NAA50: variants seen among roughly 807,000 people sequenced by gnomAD.
NAA50 encodes N-alpha-acetyltransferase 50.
In NAA50, 7 loss-of-function variants were observed where a neutral mutation model predicts 20.7. The observed-to-expected ratio is 0.34, with a 90% CI of 0.19 to 0.63. The LOEUF (loss-of-function observed/expected upper bound fraction) is 0.63, where lower values mean the gene tolerates loss of function less well. NAA50 is among the 30% of genes least tolerant of loss of function. The pLI is 0.75. For synonymous variants in NAA50, 54 were observed against 70.6 expected (o/e 0.77, Z 1.18); for missense variants, 111 against 199.1 (o/e 0.56, Z 2.66).
intron 1 of NAA50, among the ~76,000 whole-genome samples, chr3:113,725,860 ACAAAGT>A (rs1708192564): frequency 6.6e-6 from 1 of 152,358 alleles, no homozygotes; most frequent in East Asian, 1.9e-4. Flanking sequence ...ATCTTATAGT[ACAAAGT>A]TCTCTAAGAT....
At chr3:113,730,113 A>G (rs1643181403) in intron 1 of NAA50, among the ~76,000 whole-genome samples, 1 of 152,078 alleles carries the variant, frequency 6.6e-6, no homozygotes, top group African/African-American at 2.4e-5. Context: ...TGGCCTGGCC[A>G]ACATGGTGAA....
intron 1 of NAA50, among the ~76,000 whole-genome samples, chr3:113,730,046 T>C (rs1424033458): frequency 6.6e-6 from 1 of 152,066 alleles, no homozygotes; most frequent in Non-Finnish European, 1.5e-5. Flanking sequence ...ACACCTGCAA[T>C]CCCAGCACTT....
chr3:113,746,182 C>T lies in NAA50; in HGVS notation c.-233G>A, dbSNP rs1708498917. The T allele has an allele frequency of 1.9e-6, 1 of 533,852 alleles. No individual in the cohort carries two copies. The highest frequency in any genetic ancestry group is 3.5e-5 in the East Asian group (1 of 28,568). 33.1% of individuals were successfully genotyped at this position (533,852 alleles called of 1,614,324 possible). ...TTGTGCCGCCGCTTCTCCACACGTGCACTCGGGTCTCTCGGCTCCCTCCCG... is the reference window on the plus strand; with the variant it reads ...TTGTGCCGCCGCTTCTCCACACGTGTACTCGGGTCTCTCGGCTCCCTCCCG... On this transcript the variant is annotated 5_prime_UTR_variant, in exon 1 of 5. Coordinates refer to ENST00000240922, the MANE Select transcript of NAA50 (RefSeq NM_025146.4).
intron 3 of NAA50, 121 bp from the exon 4 acceptor site, chr3:113,723,093 G>GA: frequency 7.8e-7 from 1 of 1,282,588 alleles, no homozygotes; most frequent in East Asian, 2.7e-5. Context: ...GTATACACTA[G>GA]ATATCCTTAT....
chr3:113,741,454 G>T (rs1708414103), intron 1 of NAA50, among the ~76,000 whole-genome samples: 1 of 151,988 alleles, frequency 6.6e-6, no homozygotes. Context: ...TATTCTATTG[G>T]TTACTGCAGG....
rs959047721 is a variant in NAA50 at position 113,746,044 on chromosome 3, C to T, written c.-95G>A. On this transcript the variant is annotated 5_prime_UTR_variant, in exon 1 of 5. Coordinates refer to ENST00000240922, the MANE Select transcript of NAA50 (RefSeq NM_025146.4). ...CGCACCCTTAGCTCGGGCCACTCAACCCCGCAAGCCGGCCTCCTAGCCTGG... is the reference window on the plus strand; with the variant it reads ...CGCACCCTTAGCTCGGGCCACTCAATCCCGCAAGCCGGCCTCCTAGCCTGG... 26 of 1,524,294 alleles carry T rather than the reference C, an allele frequency of 1.7e-5. No individual in the cohort carries two copies. The highest frequency in any genetic ancestry group is 5.7e-5 in the Admixed American group (3 of 52,702). 94.4% of individuals were successfully genotyped at this position (1,524,294 alleles called of 1,614,324 possible). A position where few individuals can be genotyped will look rare whatever the true frequency, so the allele number is the denominator to read the frequency against.
chr3:113,743,526 T>C (rs1476921386), intron 1 of NAA50, among the ~76,000 whole-genome samples: 2 of 152,200 alleles, frequency 1.3e-5, no homozygotes, highest in African/African-American at 4.8e-5. Flanking sequence ...TGTTGTAGGT[T>C]CAGTATCCGA....
intron 1 of NAA50, among the ~76,000 whole-genome samples, chr3:113,731,799 A>C (rs191907136): frequency 1.3e-5 from 2 of 152,286 alleles, no homozygotes; most frequent in East Asian, 3.9e-4. Context: ...CAGCAGTCTG[A>C]TCTTTTTATT....
At chr3:113,729,546 CTTTT>C (rs564619731) in intron 1 of NAA50, among the ~76,000 whole-genome samples, 5 of 94,444 alleles carry the variant, frequency 5.3e-5, no homozygotes, top group African/African-American at 1.9e-4. Context: ...TTCTTTCTTT[CTTTT>C]TTTTTTTTTG....
chr3:113,740,196 A>G (rs777258632), intron 1 of NAA50, among the ~76,000 whole-genome samples: 1 of 152,054 alleles, frequency 6.6e-6, no homozygotes, highest in African/African-American at 2.4e-5. Flanking sequence ...TACCTTAAAA[A>G]TTTTTTTTAT....
chr3:113,729,546 C>CT (rs564619731), intron 1 of NAA50, among the ~76,000 whole-genome samples: 2,521 of 94,418 alleles, frequency 0.027, 47 homozygotes, highest in Admixed American at 0.079. Context: ...TTCTTTCTTT[C>CT]TTTTTTTTTT....
chr3:113,741,027 T>C, intron 1 of NAA50: 3 of 483,180 alleles, frequency 6.2e-6, no homozygotes, highest in Middle Eastern at 5.7e-4. Context: ...GTTACTTTTC[T>C]AATCCCTTCT....
At chr3:113,744,308 CA>C (rs1324488874) in intron 1 of NAA50, among the ~76,000 whole-genome samples, 1 of 151,808 alleles carries the variant, frequency 6.6e-6, no homozygotes, top group Non-Finnish European at 1.5e-5. Flanking sequence ...ACAAAATATA[CA>C]AAAAATTAGC....
chr3:113,745,841 T>G, intron 1 of NAA50, 101 bp downstream of exon 1: 1 of 1,370,120 alleles, frequency 7.3e-7, no homozygotes. Context: ...TCCGCCCGTC[T>G]TCGCCCTGAA....
intron 1 of NAA50, among the ~76,000 whole-genome samples, chr3:113,734,003 A>G (rs1299602992): frequency 1.3e-5 from 2 of 152,162 alleles, no homozygotes; most frequent in Non-Finnish European, 2.9e-5. Flanking sequence ...TCAAACAAAG[A>G]TGAAATAAAA....
At chr3:113,728,555 G>A (rs902668840) in intron 1 of NAA50, among the ~76,000 whole-genome samples, 6 of 152,170 alleles carry the variant, frequency 3.9e-5, no homozygotes, top group African/African-American at 1.4e-4. Context: ...GATGTAGTCC[G>A]AAAATCAGTC....
intron 1 of NAA50, among the ~76,000 whole-genome samples, chr3:113,741,441 T>C (rs942520494): frequency 6.6e-6 from 1 of 150,882 alleles, no homozygotes; most frequent in Non-Finnish European, 1.5e-5. Context: ...TGGTTACTAC[T>C]GGTATTCTAT....
Position 113,746,199 on chromosome 3 carries a change from T to G in NAA50, c.-250A>C. 1 of 458,450 alleles carries G rather than the reference T, an allele frequency of 2.2e-6. No homozygotes were observed. The highest frequency in any genetic ancestry group is 3.8e-6 in the Non-Finnish European group (1 of 259,930). 28.4% of individuals were successfully genotyped at this position (458,450 alleles called of 1,614,324 possible). A position where few individuals can be genotyped will look rare whatever the true frequency, so the allele number is the denominator to read the frequency against. The stretch of plus-strand genomic sequence containing the variant: ...CACACGTGCACTCGGGTCTCTCGGC[T>G]CCCTCCCGCCGCTGCCGCCAGCCAG... On this transcript the variant is annotated 5_prime_UTR_variant, in exon 1 of 5. Transcript: ENST00000240922.
intron 1 of NAA50, among the ~76,000 whole-genome samples, chr3:113,726,501 AT>A (rs1054340498): frequency 6.8e-6 from 1 of 147,970 alleles, no homozygotes; most frequent in Non-Finnish European, 1.5e-5. Context: ...AAAAAAAAAA[AT>A]TGGGAGGCCA....
Sources: gnomAD v4.1 joint callset for allele counts (sites outside exome capture counted in the v4.1 genomes callset) on GRCh38, gnomAD v4.1.1 for gene constraint, MANE v1.5 for transcripts, NCBI Gene and HGNC (gene_info 2026-07-23, HGNC 2026-07-21) for gene names.